SH3KBP1: variants seen among roughly 807,000 people sequenced by gnomAD.
SH3KBP1 encodes the protein SH3 domain containing kinase binding protein 1.
Under a neutral mutation model 50.1 loss-of-function variants are expected in SH3KBP1, and 8 were observed. The observed-to-expected ratio is 0.16, with a 90% CI of 0.09 to 0.29. SH3KBP1 has a LOEUF of 0.29. Ranked by LOEUF, SH3KBP1 falls within the 10% of genes least tolerant of loss-of-function variation. The pLI is 1.00. For synonymous variants in SH3KBP1, 227 were observed against 218.6 expected (o/e 1.04, Z -0.34); for missense variants, 377 against 535.2 (o/e 0.70, Z 2.92).
At chrX:19,673,186 A>T (rs2062845868) in intron 6 of SH3KBP1, among the ~76,000 whole-genome samples, 1 of 111,469 alleles carries the variant, frequency 9.0e-6, no homozygotes, top group Non-Finnish European at 1.9e-5. Flanking sequence ...CTTTTCCATA[A>T]ATCTAAAACT....
At chrX:19,867,175 C>T (rs757075563) in intron 1 of SH3KBP1, among the ~76,000 whole-genome samples, 6 of 111,344 alleles carry the variant, frequency 5.4e-5, no homozygotes, top group East Asian at 5.6e-4. Flanking sequence ...TTGGCCTGGG[C>T]GCCAGGGAAA....
At chrX:19,609,438 T>C (rs1316781539) in intron 8 of SH3KBP1, among the ~76,000 whole-genome samples, 1 of 112,054 alleles carries the variant, frequency 8.9e-6, no homozygotes, top group African/African-American at 3.3e-5. Context: ...TATAGCAGAC[T>C]CCCAAGTCTC....
intron 1 of SH3KBP1, among the ~76,000 whole-genome samples, chrX:19,845,799 G>A (rs1409608606): frequency 9.1e-6 from 1 of 109,454 alleles, no homozygotes; most frequent in African/African-American, 3.3e-5. Context: ...TTAGTAGAAC[G>A]GGGTTTCGCC....
chrX:19,591,015 G>GT (rs1443576344), intron 11 of SH3KBP1, among the ~76,000 whole-genome samples: 1 of 107,494 alleles, frequency 9.3e-6, no homozygotes, highest in Non-Finnish European at 1.9e-5. Flanking sequence ...TCAATGGCTG[G>GT]TTTTTTTCTT....
chrX:19,828,948 T>C (rs762011821), intron 2 of SH3KBP1, among the ~76,000 whole-genome samples: 3 of 111,262 alleles, frequency 2.7e-5, no homozygotes, highest in Admixed American at 1.9e-4. Flanking sequence ...AATTGACTAG[T>C]GTGGCGCAAA....
chrX:19,556,290 C>CT (rs1282317752), intron 13 of SH3KBP1, among the ~76,000 whole-genome samples: 91 of 104,215 alleles, frequency 8.7e-4, no homozygotes, highest in East Asian at 3.3e-3. Flanking sequence ...CCTCCCCTAC[C>CT]TTTTTTTTTT....
chrX:19,844,437 T>C (rs1268679071), intron 1 of SH3KBP1, among the ~76,000 whole-genome samples: 1 of 112,231 alleles, frequency 8.9e-6, no homozygotes, highest in Non-Finnish European at 1.9e-5. Flanking sequence ...ACTTGAAGGC[T>C]AGAGAAAGCT....
At chrX:19,540,544 T>C (rs1369088309) in intron 16 of SH3KBP1, among the ~76,000 whole-genome samples, 1 of 111,477 alleles carries the variant, frequency 9.0e-6, no homozygotes. Context: ...CCCCCAAAAG[T>C]GACCACAAAA....
chrX:19,707,169 T>C (rs2063669569), intron 3 of SH3KBP1, 185 bp from the exon 4 acceptor site: 1 of 542,537 alleles, frequency 1.8e-6, no homozygotes, highest in Non-Finnish European at 3.3e-6. Flanking sequence ...GCAATGCTTC[T>C]TGGTCTTTTA....
Position 19,874,068 on chromosome X carries a change from A to AATAT in SH3KBP1, c.4+13235_4+13238dup, listed in dbSNP as rs1412019430. ...CATCTCAAAAAAAAAAAAAAAAAAAAATATATATATATATATATAAAACTC... is the reference window on the plus strand; with the variant it reads ...CATCTCAAAAAAAAAAAAAAAAAAAAATATATATATATATATATATATAAAACTC... On this transcript the variant is annotated intron_variant, in intron 1 of 17. Coordinates refer to ENST00000397821, the MANE Select transcript of SH3KBP1 (RefSeq NM_031892.3). Among the ~76,000 whole-genome samples the AATAT allele has an allele frequency of 1.4e-3, 77 of 57,001 alleles. 3 individuals carry two copies. Among genetic ancestry groups the AATAT allele is most frequent in the Middle Eastern group, 0.019 (2 of 108 alleles). The allele number at this position is 57,001 out of a possible 115,157, so 49.5% of individuals were successfully genotyped here.
rs367848553 is a variant in SH3KBP1, at chrX:19,550,479, C to A, written c.1385-396G>T. 4.5e-5 allele frequency among the ~76,000 whole-genome samples: 5 copies of A among 111,552 alleles called. No homozygotes were observed. In the East Asian group the frequency reaches 1.4e-3, roughly 32 times the overall value. On this transcript the variant is annotated intron_variant, in intron 13 of 17. Transcript: ENST00000397821. ...AGGCAGTTATTACAAGGTACAACAGCCACAAGCGAGTGGATGCCGGTCATT... is the reference window on the plus strand; with the variant it reads ...AGGCAGTTATTACAAGGTACAACAGACACAAGCGAGTGGATGCCGGTCATT...
intron 2 of SH3KBP1, among the ~76,000 whole-genome samples, chrX:19,796,522 A>G (rs1298911149): frequency 3.6e-5 from 4 of 111,813 alleles, no homozygotes; most frequent in African/African-American, 1.3e-4. Flanking sequence ...AGGAAGTGCC[A>G]AGGTCGAGAC....
At chrX:19,741,474 G>A (rs2064767059) in intron 3 of SH3KBP1, among the ~76,000 whole-genome samples, 1 of 112,388 alleles carries the variant, frequency 8.9e-6, no homozygotes, top group Non-Finnish European at 1.9e-5. Flanking sequence ...ACTTAAAAAG[G>A]TAACTATAAA....
intron 8 of SH3KBP1, among the ~76,000 whole-genome samples, chrX:19,611,971 A>AAAAAAAAAAAAAG (rs2067437391): frequency 9.2e-6 from 1 of 108,409 alleles, no homozygotes; most frequent in Non-Finnish European, 1.9e-5. Context: ...AAAAAAAAAA[A>AAAAAAAAAAAAAG]AAAAAAACAA....
At chrX:19,782,589 G>A (rs1234662013) in intron 2 of SH3KBP1, among the ~76,000 whole-genome samples, 1 of 111,390 alleles carries the variant, frequency 9.0e-6, no homozygotes, top group East Asian at 2.8e-4. Context: ...GGACAGACAC[G>A]TTTCGCAAGA....
At chrX:19,796,598 C>T (rs1178066896) in intron 2 of SH3KBP1, among the ~76,000 whole-genome samples, 3 of 112,301 alleles carry the variant, frequency 2.7e-5, no homozygotes, top group African/African-American at 9.7e-5. Flanking sequence ...GGTGGTAAGT[C>T]ATCTGGCTTT....
intron 12 of SH3KBP1, among the ~76,000 whole-genome samples, chrX:19,584,515 T>C (rs1483802095): frequency 9.3e-6 from 1 of 107,792 alleles, no homozygotes; most frequent in Non-Finnish European, 1.9e-5. Flanking sequence ...AATTTTTTTG[T>C]AGAGATGTGG....
At chrX:19,874,478 GAA>G (rs1481187496) in intron 1 of SH3KBP1, among the ~76,000 whole-genome samples, 1 of 77,517 alleles carries the variant, frequency 1.3e-5, no homozygotes, top group African/African-American at 5.1e-5. Flanking sequence ...AGGGGTGAGA[GAA>G]GAGAGGCAGG....
Position 19,820,625 on chromosome X carries a change from A to G in SH3KBP1, c.162+15500T>C, listed in dbSNP as rs755851552. Among the ~76,000 whole-genome samples, 5 of 110,100 alleles carry G rather than the reference A, an allele frequency of 4.5e-5. No homozygotes were observed. In the South Asian group the frequency reaches 1.9e-3, roughly 43 times the overall value. ...TTGAAGTGAGTTTCTTACAAACAGC[A>G]TATAGTTGAGTCAAGTTTTTTTTTT... On this transcript the variant is annotated intron_variant, in intron 2 of 17. Transcript: ENST00000397821.
Sources: allele counts gnomAD v4.1 joint callset (sites outside exome capture counted in the v4.1 genomes callset), GRCh38; gene constraint gnomAD v4.1.1; transcripts MANE v1.5; gene names NCBI Gene and HGNC (gene_info 2026-07-23, HGNC 2026-07-21).